Variants in ZFPM1 observed in about 807,000 individuals in gnomAD.
ZFPM1 encodes the protein zinc finger protein ZFPM1.
A neutral mutation model predicts 46.3 loss-of-function variants in ZFPM1; 28 were observed. The observed-to-expected ratio is 0.60, with a 90% CI of 0.45 to 0.83. The LOEUF (loss-of-function observed/expected upper bound fraction) is 0.83, where lower values mean the gene tolerates loss of function less well. Among genes scored for constraint, ZFPM1 ranks in the 40% least tolerant of loss-of-function variants. The pLI is 0.00. For synonymous variants in ZFPM1, 957 were observed against 675.9 expected, an observed-to-expected ratio of 1.42 and a Z score of -6.45; for missense variants, 1,878 against 1,432.4, an observed-to-expected ratio of 1.31 and a Z score of -5.02.
intron 1 of ZFPM1, among the ~76,000 whole-genome samples, chr16:88,475,174 C>T (rs1256945613): frequency 6.6e-6 from 1 of 152,240 alleles, no homozygotes; most frequent in Non-Finnish European, 1.5e-5. Context: ...CCGATGCCAG[C>T]CCTGCACCAG....
chr16:88,463,359 C>G (rs1048232984), intron 1 of ZFPM1, among the ~76,000 whole-genome samples: 9 of 152,222 alleles, frequency 5.9e-5, no homozygotes, highest in African/African-American at 7.2e-5. Flanking sequence ...CCCAGACCCT[C>G]GTGATGGGAG....
chr16:88,468,605 C>G (rs1908269028), intron 1 of ZFPM1, among the ~76,000 whole-genome samples: 1 of 152,132 alleles, frequency 6.6e-6, no homozygotes, highest in African/African-American at 2.4e-5. Context: ...CTGAAGCCCC[C>G]CACCAGCCCC....
chr16:88,507,001 C>T (rs1004513484), intron 3 of ZFPM1, among the ~76,000 whole-genome samples: 1 of 152,226 alleles, frequency 6.6e-6, no homozygotes, highest in Admixed American at 6.5e-5. Flanking sequence ...GTGAGGGCTA[C>T]GGTCCTGCTG....
chr16:88,497,950 C>T lies in ZFPM1; in HGVS notation c.268+8797C>T, dbSNP rs561831236. Reference sequence around the variant, plus strand: ...GCCTGATGGACAGCAGGGAGATGGGCCGATAGGCGACTGGCTCCCTCCCCA... The same window carrying T: ...GCCTGATGGACAGCAGGGAGATGGGTCGATAGGCGACTGGCTCCCTCCCCA... On this transcript the variant is annotated intron_variant, in intron 3 of 9. Transcript: ENST00000319555. This position sits in a 1 kb window ranked among gnomAD's most constrained non-coding sequence, Gnocchi z 5.4. Among the ~76,000 whole-genome samples the T allele has an allele frequency of 3.4e-4, 52 of 152,324 alleles. No homozygotes were observed. The highest frequency in any genetic ancestry group is 8.3e-4 in the South Asian group (4 of 4,834).
chr16:88,459,347 C>T (rs990084678), intron 1 of ZFPM1, among the ~76,000 whole-genome samples: 5 of 152,222 alleles, frequency 3.3e-5, no homozygotes, highest in Admixed American at 6.5e-5. Flanking sequence ...CTGCTCACAC[C>T]ACAGCTCTGC....
At chr16:88,472,069 G>A (rs997268791) in intron 1 of ZFPM1, among the ~76,000 whole-genome samples, 3 of 152,198 alleles carry the variant, frequency 2.0e-5, no homozygotes, top group Admixed American at 2.0e-4. Flanking sequence ...CACCTCAGCT[G>A]GGCTCCCACC....
intron 3 of ZFPM1, among the ~76,000 whole-genome samples, chr16:88,511,722 C>T (rs947007673): frequency 3.9e-5 from 6 of 152,152 alleles, no homozygotes; most frequent in Admixed American, 6.5e-5. Flanking sequence ...CGTTGAGAAC[C>T]ACCACGGCCT....
In ZFPM1 at chr16:88,453,681, G is replaced by C. The variant is rs1262382621; in HGVS notation, c.40+3G>C. On this transcript the variant is annotated splice_donor_region_variant and intron_variant, in intron 1 of 9. Transcript: ENST00000319555. ...GAGCAACCCCCGGCAGATCAAGCGT[G>C]AGTCAAACTTTGCCCGCGGTCCCCT... The C allele has an allele frequency of 8.3e-7, 1 of 1,198,848 alleles. No homozygotes were observed. Among genetic ancestry groups the C allele is most frequent in the Non-Finnish European group, 1.1e-6 (1 of 948,694 alleles). The allele number at this position is 1,198,848 out of a possible 1,614,324, so 74.3% of individuals were successfully genotyped here.
intron 6 of ZFPM1, among the ~76,000 whole-genome samples, chr16:88,529,656 G>C (rs1443382006): frequency 6.6e-6 from 1 of 152,230 alleles, no homozygotes; most frequent in African/African-American, 2.4e-5. Context: ...AGAGTGAGCT[G>C]AGATAGGTTA....
chr16:88,481,352 G>A (rs548174631), intron 1 of ZFPM1, among the ~76,000 whole-genome samples: 1 of 152,156 alleles, frequency 6.6e-6, no homozygotes, highest in African/African-American at 2.4e-5. Flanking sequence ...TCCGTGTCTG[G>A]CTCGGGGAAG....
At position 88,534,637 on chromosome 16, in the gene ZFPM1, G is replaced by C. The variant is rs1184475128; in HGVS notation, c.2679G>C (p.Arg893=). The C allele has an allele frequency of 6.7e-6, 7 of 1,052,366 alleles. No homozygotes were observed. In the African/African-American group the frequency reaches 1.2e-4, roughly 18 times the overall value. 65.2% of individuals were successfully genotyped at this position (1,052,366 alleles called of 1,614,324 possible). A position where few individuals can be genotyped will look rare whatever the true frequency, so the allele number is the denominator to read the frequency against. ...TGGCCGGCCCGGGGGTCGAGGCCCG[G>C]ACGCCGGCCGACCGCGGCCCCTCGC... ...APLAGPGVEA[R]TPADRGPSPA... is the part of the protein sequence containing the mutation. The change falls in exon 10 of 10, where the codon CGG becomes CGC. Residue 893 remains arginine, a synonymous_variant. Coordinates refer to ENST00000319555, the MANE Select transcript of ZFPM1 (RefSeq NM_153813.3).
At position 88,471,764 on chromosome 16, in the gene ZFPM1, C is replaced by T. The variant is rs1908433243; in HGVS notation, c.41-14175C>T. ...CACCACTTACTCACACTGGGATCTG[C>T]CACAGACACCTGAGCCTGTGACTAA... On this transcript the variant is annotated intron_variant, in intron 1 of 9. Coordinates refer to ENST00000319555, the MANE Select transcript of ZFPM1 (RefSeq NM_153813.3). This position sits in a 1 kb window ranked among gnomAD's most constrained non-coding sequence, Gnocchi z 4.1. Among the ~76,000 whole-genome samples, 1 of 152,250 alleles carries T rather than the reference C, an allele frequency of 6.6e-6. No individual in the cohort carries two copies. The highest frequency in any genetic ancestry group is 1.5e-5 in the Non-Finnish European group (1 of 68,044).
chr16:88,489,031 A>T lies in ZFPM1; in HGVS notation c.146A>T (p.Asp49Val). ...TGTGACGGTGTTTTCCTCTCTGCAG[A>T]TGTTAACTCACCCCCACCGCTGCCG... ...APEAPSPPSA[D>V]VNSPPPLPPP... The change falls in exon 3 of 10, where the codon GAT (aspartate) becomes GTT (valine). Residue 49 changes from aspartate (D) to valine (V), a missense_variant and splice_region_variant. Asp to Val is a radical substitution (Grantham distance 152). Transcript: ENST00000319555. 1.2e-6 allele frequency: 2 copies of T among 1,612,192 alleles called. No individual in the cohort carries two copies. Among genetic ancestry groups the T allele is most frequent in the Non-Finnish European group, 1.7e-6 (2 of 1,179,242 alleles).
intron 4 of ZFPM1, among the ~76,000 whole-genome samples, chr16:88,517,214 ATGGATGGATGGATGGGTGGG>A (rs1329122248): frequency 2.5e-5 from 3 of 117,710 alleles, no homozygotes; most frequent in Admixed American, 8.6e-5. Flanking sequence ...GGATGGATGG[ATGGATGGATGGATGGGTGGG>A]TGGGTGGGTG....
At chr16:88,489,216 G>A in intron 3 of ZFPM1, 63 bp downstream of exon 3, 2 of 1,524,116 alleles carry the variant, frequency 1.3e-6, no homozygotes, top group South Asian at 2.4e-5. Flanking sequence ...CGGCCCCTGG[G>A]AGCAGGGCGA....
At chr16:88,468,999 C>G (rs35613341) in intron 1 of ZFPM1, 52,913 of 154,152 alleles carry the variant, frequency 0.34, 9,456 homozygotes, top group East Asian at 0.57. Context: ...ACCGTCAGAG[C>G]CCAGACCCAC....
At chr16:88,494,046 G>A (rs561375191) in intron 3 of ZFPM1, among the ~76,000 whole-genome samples, 3 of 152,302 alleles carry the variant, frequency 2.0e-5, no homozygotes, top group Admixed American at 6.5e-5. Context: ...AGCCACAGCC[G>A]CAGGAAGCCT....
At chr16:88,455,811 T>C (rs1169073429) in intron 1 of ZFPM1, among the ~76,000 whole-genome samples, 1 of 152,116 alleles carries the variant, frequency 6.6e-6, no homozygotes, top group Non-Finnish European at 1.5e-5. Context: ...GAGCGCGGCC[T>C]TGGCCGGCCA....
At chr16:88,473,128 A>C (rs1285069183) in intron 1 of ZFPM1, among the ~76,000 whole-genome samples, 1 of 152,270 alleles carries the variant, frequency 6.6e-6, no homozygotes, top group Non-Finnish European at 1.5e-5. Flanking sequence ...CCCTGGAACG[A>C]GGAAAAGGCT....
Sources: gnomAD v4.1 joint callset for allele counts (sites outside exome capture counted in the v4.1 genomes callset) on GRCh38, gnomAD v4.1.1 for gene constraint, Gnocchi (gnomAD v3.1) non-coding constraint, MANE v1.5 for transcripts, NCBI Gene and HGNC (gene_info 2026-07-23, HGNC 2026-07-21) for gene names.